ACACB: variants seen among roughly 807,000 people sequenced by gnomAD.
The protein encoded by ACACB is acetyl-CoA carboxylase 2.
In ACACB, 209 loss-of-function variants were observed where a neutral mutation model predicts 278.8. That is an observed-to-expected ratio of 0.75 (90% CI 0.67 to 0.84). The LOEUF is 0.84. Ranked by LOEUF, ACACB falls within the 40% of genes least tolerant of loss-of-function variation. The pLI is 0.00. For missense variants in ACACB, 2,850 were observed against 3,269.0 expected, an observed-to-expected ratio of 0.87 and a Z score of 3.13; for synonymous variants, 1,174 against 1,285.6, an observed-to-expected ratio of 0.91 and a Z score of 1.86.
intron 19 of ACACB, among the ~76,000 whole-genome samples, chr12:109,203,758 T>C (rs1338848436): frequency 1.3e-5 from 2 of 152,204 alleles, no homozygotes; most frequent in African/African-American, 2.4e-5. Context: ...TAGATTCCTC[T>C]TAATTTGTCA....
intron 2 of ACACB, among the ~76,000 whole-genome samples, chr12:109,162,190 G>C (rs943847295): frequency 6.6e-6 from 1 of 152,060 alleles, no homozygotes; most frequent in African/African-American, 2.4e-5. Context: ...TGTTGGCCAG[G>C]CTGGTCTCAA....
At chr12:109,134,905 A>C (rs1335440186) in intron 1 of ACACB, among the ~76,000 whole-genome samples, 1 of 152,222 alleles carries the variant, frequency 6.6e-6, no homozygotes, top group East Asian at 1.9e-4. Flanking sequence ...TTCCAACCCT[A>C]AATATCAGTA....
intron 22 of ACACB, among the ~76,000 whole-genome samples, chr12:109,215,429 C>G (rs2045966313): frequency 6.6e-6 from 1 of 152,088 alleles, no homozygotes; most frequent in African/African-American, 2.4e-5. Flanking sequence ...ACTCCATATC[C>G]TTTGAAGGCC....
chr12:109,132,271 T>C (rs1360887814), intron 1 of ACACB, among the ~76,000 whole-genome samples: 2 of 152,220 alleles, frequency 1.3e-5, no homozygotes, highest in East Asian at 3.9e-4. Flanking sequence ...TTTAGGTGAT[T>C]CTCCTGCCTC....
At chr12:109,170,237 G>A (rs1160773776) in intron 4 of ACACB, among the ~76,000 whole-genome samples, 2 of 151,872 alleles carry the variant, frequency 1.3e-5, no homozygotes, top group Non-Finnish European at 2.9e-5. Context: ...GCTAATTTTT[G>A]TATTTTTAGT....
chr12:109,222,926 C>T lies in ACACB; in HGVS notation c.3792+14C>T, dbSNP rs753525248. 1 of 1,578,616 alleles carries T rather than the reference C, an allele frequency of 6.3e-7. No homozygotes were observed. The highest frequency in any genetic ancestry group is 1.1e-5 in the South Asian group (1 of 87,808). On this transcript the variant is annotated intron_variant, in intron 26 of 52. Coordinates refer to ENST00000338432, the MANE Select transcript of ACACB (RefSeq NM_001093.4). ...GAGAACCTCAAGGTGAGCCCGTCTC[C>T]TTCCTTTCACCATCTGCAGAGCACA...
At position 109,187,979 on chromosome 12, in the gene ACACB, A is replaced by G; in HGVS notation, c.1981-20A>G. The G allele has an allele frequency of 2.5e-6, 4 of 1,578,400 alleles. No homozygotes were observed. The South Asian group carries it at 3.4e-5, about 13-fold the overall frequency. On this transcript the variant is annotated intron_variant, in intron 12 of 52. Transcript: ENST00000338432. ...GGAGTAATGATTTCTTCCATTTTGC[A>G]TTTTCTGTCCGGACTCCAGGGTTTT...
intron 21 of ACACB, among the ~76,000 whole-genome samples, chr12:109,210,780 G>T (rs1203428977): frequency 6.6e-6 from 1 of 151,402 alleles, no homozygotes; most frequent in Non-Finnish European, 1.5e-5. Flanking sequence ...TGGGCGTGGT[G>T]TTGCACACCT....
Position 109,245,727 on chromosome 12 carries a change from C to A in ACACB, c.5280C>A (p.Asn1760Lys), listed in dbSNP as rs773542580. ...CTCAGGGCCAGCTGGTGGAGATGAA[C>A]CGACTTCCTGGTGGAAATGAGGTAA... is the stretch of plus-strand genomic sequence containing the variant. ...LDSQGQLVEM[N>K]RLPGGNEVGM... The change falls in exon 38 of 53, where the codon AAC (asparagine) becomes AAA (lysine). Residue 1760 changes from asparagine to lysine, a missense_variant. Physicochemically the swap from Asn to Lys is moderately conservative, Grantham distance 94 (BLOSUM62 0). Transcript: ENST00000338432. The A allele has an allele frequency of 6.2e-7, 1 of 1,613,970 alleles. No individual in the cohort carries two copies. The highest frequency in any genetic ancestry group is 1.7e-5 in the Admixed American group (1 of 59,988).
At chr12:109,257,396 A>G (rs899585636) in intron 45 of ACACB, among the ~76,000 whole-genome samples, 1 of 151,986 alleles carries the variant, frequency 6.6e-6, no homozygotes, top group African/African-American at 2.4e-5. Context: ...CCCCTGCATC[A>G]TAGGGTAAAC....
chr12:109,171,935 A>C (rs902635085), intron 5 of ACACB, 21 bp downstream of exon 5: 3 of 1,589,974 alleles, frequency 1.9e-6, no homozygotes, highest in Admixed American at 1.7e-5. Context: ...TGGGGTGCCC[A>C]AGTGTGGCCC....
chr12:109,162,562 A>G (rs958124252), intron 2 of ACACB, among the ~76,000 whole-genome samples: 1 of 152,148 alleles, frequency 6.6e-6, no homozygotes, highest in Non-Finnish European at 1.5e-5. Context: ...GTTCAAAGGT[A>G]CATATAGAGG....
chr12:109,179,956 G>T lies in ACACB; in HGVS notation c.1687G>T (p.Ala563Ser). ...RLAKTVGYVS[A>S]GTVEYLYSQD... is the part of the protein sequence containing the mutation. ...GGCCAAGACCGTGGGCTATGTGAGTGCAGGGACAGTGGAATACCTCTATAG... is the reference window on the plus strand; with the variant it reads ...GGCCAAGACCGTGGGCTATGTGAGTTCAGGGACAGTGGAATACCTCTATAG... The change falls in exon 11 of 53, where the codon GCA (alanine) becomes TCA (serine). Residue 563 changes from alanine (A) to serine (S), a missense_variant. Physicochemically the swap from Ala to Ser is moderately conservative, Grantham distance 99. This residue lies in a region of ACACB where 2,265 missense variants were observed against 2,561.3 expected (regional missense o/e 0.88). Transcript: ENST00000338432. The T allele has an allele frequency of 1.2e-6, 2 of 1,613,908 alleles. No homozygotes were observed. Among genetic ancestry groups the T allele is most frequent in the Non-Finnish European group, 8.5e-7 (1 of 1,179,864 alleles).
At chr12:109,240,066 C>T in intron 35 of ACACB, 81 bp downstream of exon 35, 2 of 1,488,598 alleles carry the variant, frequency 1.3e-6, no homozygotes, top group Non-Finnish European at 9.1e-7. Context: ...TGTCTCTTGC[C>T]ACTCAAGACC....
At chr12:109,263,931 G>A in intron 49 of ACACB, 1 of 295,928 alleles carries the variant, frequency 3.4e-6, no homozygotes, top group Non-Finnish European at 6.3e-6. Flanking sequence ...CATGTTGAAT[G>A]CTGTCTTGCA....
In ACACB at chr12:109,227,498, T is replaced by A; in HGVS notation, c.4001+9T>A. 6.2e-7 allele frequency: 1 copy of A among 1,611,976 alleles called. No individual in the cohort carries two copies. Among genetic ancestry groups the A allele is most frequent in the Non-Finnish European group, 8.5e-7 (1 of 1,178,288 alleles). Reference sequence around the variant, plus strand: ...TCCTCCCACCCAAACCGGTATGGAGTGGGACACACCCAGGGACGGCCTGTG... The same window carrying A: ...TCCTCCCACCCAAACCGGTATGGAGAGGGACACACCCAGGGACGGCCTGTG... On this transcript the variant is annotated intron_variant, in intron 28 of 52. Transcript: ENST00000338432.
At chr12:109,152,516 G>T (rs1437458564) in intron 2 of ACACB, among the ~76,000 whole-genome samples, 1 of 151,996 alleles carries the variant, frequency 6.6e-6, no homozygotes, top group Non-Finnish European at 1.5e-5. Flanking sequence ...TATGGTCAGG[G>T]CATAGCTATC....
At chr12:109,216,321 A>G (rs1314088771) in intron 22 of ACACB, among the ~76,000 whole-genome samples, 1 of 148,464 alleles carries the variant, frequency 6.7e-6, no homozygotes, top group Non-Finnish European at 1.5e-5. Flanking sequence ...TCCCGGATTC[A>G]AGCTATTCTC....
intron 50 of ACACB, 71 bp from the exon 51 acceptor site, chr12:109,265,039 T>G (rs1365809448): frequency 2.0e-6 from 3 of 1,513,860 alleles, no homozygotes; most frequent in Non-Finnish European, 2.7e-6. Context: ...GCCACTGTCA[T>G]GGGTGTGGTC....
Sources: allele counts gnomAD v4.1 joint callset (sites outside exome capture counted in the v4.1 genomes callset), GRCh38; gene constraint gnomAD v4.1.1; regional missense constraint gnomAD v4.1.1; transcripts MANE v1.5; gene names NCBI Gene and HGNC (gene_info 2026-07-23, HGNC 2026-07-21).